Variants in HDAC8 observed in about 807,000 individuals in gnomAD.
HDAC8 encodes histone deacetylase 8.
In HDAC8, 1 loss-of-function variant was observed where a neutral mutation model predicts 32.2. The ratio of observed to expected loss-of-function variants is 0.03; its 90% CI spans 0.01 to 0.15. HDAC8 has a LOEUF of 0.15. Ranked by LOEUF, HDAC8 falls within the 10% of genes least tolerant of loss-of-function variation. HDAC8 has a pLI of 1.00. For missense variants in HDAC8, 117 were observed against 300.0 expected (o/e 0.39, Z 4.51); for synonymous variants, 108 against 113.9 (o/e 0.95, Z 0.33).
intron 5 of HDAC8, among the ~76,000 whole-genome samples, chrX:72,494,566 G>A (rs1435039785): frequency 9.0e-5 from 10 of 111,265 alleles, no homozygotes; most frequent in Non-Finnish European, 1.5e-4. Flanking sequence ...TAGGAGGGTC[G>A]GATAAATCCT....
At chrX:72,473,228 T>C (rs782625061) in intron 7 of HDAC8, among the ~76,000 whole-genome samples, 34 of 112,087 alleles carry the variant, frequency 3.0e-4, no homozygotes, top group Non-Finnish European at 2.8e-4. Context: ...TATTATTCTA[T>C]AGGCAAACTG....
At chrX:72,558,589 G>A (rs1436340183) in intron 4 of HDAC8, among the ~76,000 whole-genome samples, 1 of 111,380 alleles carries the variant, frequency 9.0e-6, no homozygotes, top group Non-Finnish European at 1.9e-5. Flanking sequence ...CGTACCTTAA[G>A]GTAATAAAAG....
chrX:72,472,309 C>T (rs905844302), intron 7 of HDAC8, among the ~76,000 whole-genome samples: 88 of 110,665 alleles, frequency 8.0e-4, no homozygotes, highest in Middle Eastern at 4.7e-3. Flanking sequence ...CCTCGTGATC[C>T]GCCCGCCTCG....
chrX:72,479,957 G>A (rs1237833350), intron 7 of HDAC8, among the ~76,000 whole-genome samples: 1 of 111,815 alleles, frequency 8.9e-6, no homozygotes. Context: ...CACACTTAGT[G>A]CCTCTTGAAT....
In HDAC8 at chrX:72,499,135, G is replaced by A. The variant is rs188772380; in HGVS notation, c.438-3867C>T. 3.1e-4 allele frequency among the ~76,000 whole-genome samples: 35 copies of A among 111,758 alleles called. 1 individual carries two copies. Among genetic ancestry groups the A allele is most frequent in the African/African-American group, 1.0e-3 (31 of 30,801 alleles). ...AAGCCCTCACCAGAAGCAGATACTG[G>A]CACCATGCTTCTTGTACAGACTGAA... On this transcript the variant is annotated intron_variant, in intron 4 of 10. Transcript: ENST00000373573.
rs1008727887 is a variant in HDAC8 at position 72,539,120 on chromosome X, T to C, written c.437+28769A>G. ...TGTAATGAGTGATCATGTATCAATA[T>C]TGGTTAATTGTAACAATGTTTCATA... On this transcript the variant is annotated intron_variant, in intron 4 of 10. Coordinates refer to ENST00000373573, the MANE Select transcript of HDAC8 (RefSeq NM_018486.3). 1.4e-4 allele frequency among the ~76,000 whole-genome samples: 16 copies of C among 112,345 alleles called. No homozygotes were observed. The East Asian group carries it at 3.6e-3, about 26-fold the overall frequency.
intron 4 of HDAC8, among the ~76,000 whole-genome samples, chrX:72,512,341 G>C (rs1227293815): frequency 8.9e-6 from 1 of 111,898 alleles, no homozygotes; most frequent in African/African-American, 3.2e-5. Context: ...CTCCCTTTGT[G>C]CTAGGGGTTG....
chrX:72,352,508 C>G (rs1309960729), intron 9 of HDAC8, among the ~76,000 whole-genome samples: 1 of 111,059 alleles, frequency 9.0e-6, no homozygotes, highest in East Asian at 2.8e-4. Context: ...TCAACAGTGA[C>G]CCAATCGCCC....
intron 9 of HDAC8, among the ~76,000 whole-genome samples, chrX:72,360,139 G>A (rs2044505855): frequency 9.1e-6 from 1 of 109,321 alleles, no homozygotes; most frequent in Non-Finnish European, 1.9e-5. Flanking sequence ...GGCAGGTCAC[G>A]AGGTCAGGAG....
At chrX:72,478,274 T>C (rs1260886025) in intron 7 of HDAC8, among the ~76,000 whole-genome samples, 1 of 112,559 alleles carries the variant, frequency 8.9e-6, no homozygotes, top group Non-Finnish European at 1.9e-5. Flanking sequence ...ATGCTGTTAG[T>C]CTAGTTTGAA....
In HDAC8 at chrX:72,392,296, T is replaced by C. The variant is rs782631361; in HGVS notation, c.1006-40458A>G. 3.6e-4 allele frequency among the ~76,000 whole-genome samples: 40 copies of C among 111,894 alleles called. 1 individual carries two copies. The highest frequency in any genetic ancestry group is 6.6e-4 in the Non-Finnish European group (35 of 53,186). Reference sequence around the variant, plus strand: ...CTGCCAGCTTACCAGGTGGCACAAATGTCTCACTATTAGTCACTTCTTGGG... The same window carrying C: ...CTGCCAGCTTACCAGGTGGCACAAACGTCTCACTATTAGTCACTTCTTGGG... On this transcript the variant is annotated intron_variant, in intron 9 of 10. Transcript: ENST00000373573.
At chrX:72,571,605 T>C (rs1411699298) in intron 2 of HDAC8, among the ~76,000 whole-genome samples, 1 of 86,263 alleles carries the variant, frequency 1.2e-5, no homozygotes, top group Admixed American at 1.5e-4. Flanking sequence ...TCACTCTTGT[T>C]GCCCAGGCTG....
intron 4 of HDAC8, among the ~76,000 whole-genome samples, chrX:72,539,032 G>A (rs1556040976): frequency 9.0e-6 from 1 of 111,110 alleles, no homozygotes; most frequent in African/African-American, 3.3e-5. Flanking sequence ...AGTGGGATCT[G>A]GGGACAGAAA....
intron 9 of HDAC8, among the ~76,000 whole-genome samples, chrX:72,387,941 C>G (rs1274956224): frequency 4.5e-5 from 5 of 110,472 alleles, no homozygotes; most frequent in East Asian, 2.9e-4. Flanking sequence ...GAGTGATAAA[C>G]TATGGAGGGG....
intron 9 of HDAC8, among the ~76,000 whole-genome samples, chrX:72,362,361 G>A (rs1402891873): frequency 9.0e-6 from 1 of 111,483 alleles, no homozygotes; most frequent in Non-Finnish European, 1.9e-5. Context: ...CTGAGGCCTC[G>A]CCAGAAGATG....
chrX:72,412,837 T>A, intron 9 of HDAC8, among the ~76,000 whole-genome samples: 1 of 112,203 alleles, frequency 8.9e-6, no homozygotes, highest in Non-Finnish European at 1.9e-5. Context: ...TGTCTTGAGG[T>A]AACCCTGTAC....
intron 10 of HDAC8, among the ~76,000 whole-genome samples, chrX:72,332,173 C>CTACT (rs1555940786): frequency 8.9e-6 from 1 of 112,611 alleles, no homozygotes; most frequent in Non-Finnish European, 1.9e-5. Flanking sequence ...ATCTGTTTAA[C>CTACT]TACTTATCTG....
chrX:72,499,888 C>T (rs12863990), intron 4 of HDAC8, among the ~76,000 whole-genome samples: 61 of 111,064 alleles, frequency 5.5e-4, no homozygotes, highest in Non-Finnish European at 1.1e-3. Context: ...GCTAGCTAGA[C>T]TAATAAAGAA....
At chrX:72,438,003 A>G (rs1226907045) in intron 9 of HDAC8, among the ~76,000 whole-genome samples, 1 of 112,212 alleles carries the variant, frequency 8.9e-6, no homozygotes, top group Non-Finnish European at 1.9e-5. Flanking sequence ...TAAGGGTCAG[A>G]CTGCCTCCTC....
Sources: gnomAD v4.1 joint callset for allele counts (sites outside exome capture counted in the v4.1 genomes callset) on GRCh38, gnomAD v4.1.1 for gene constraint, MANE v1.5 for transcripts, NCBI Gene and HGNC (gene_info 2026-07-23, HGNC 2026-07-21) for gene names.